RGS3: variants seen among roughly 807,000 people sequenced by gnomAD.
The protein encoded by RGS3 is regulator of G-protein signalling 3.
In RGS3, 80 loss-of-function variants were observed where a neutral mutation model predicts 132.6. That is an observed-to-expected ratio of 0.60 (90% CI 0.50 to 0.73). The LOEUF (loss-of-function observed/expected upper bound fraction) is 0.73, where lower values mean the gene tolerates loss of function less well. RGS3 is among the 30% of genes least tolerant of loss of function. The pLI is 0.00. For missense variants in RGS3, 1,382 were observed against 1,530.8 expected, an observed-to-expected ratio of 0.90 and a Z score of 1.62; for synonymous variants, 598 against 620.6, an observed-to-expected ratio of 0.96 and a Z score of 0.54.
chr9:113,558,078 G>T (rs1833642770), intron 19 of RGS3, among the ~76,000 whole-genome samples: 1 of 152,228 alleles, frequency 6.6e-6, no homozygotes, highest in African/African-American at 2.4e-5. Context: ...AGAGCCGATG[G>T]TTGCTTGGAC....
At chr9:113,475,118 C>A (rs982148192) in intron 3 of RGS3, among the ~76,000 whole-genome samples, 1 of 152,188 alleles carries the variant, frequency 6.6e-6, no homozygotes, top group Non-Finnish European at 1.5e-5. Flanking sequence ...CATTCCCATC[C>A]AGTATTTTTC....
At position 113,463,960 on chromosome 9, in the gene RGS3, CAG is replaced by C. The variant is rs1326005121; in HGVS notation, c.415+1760_415+1761del. 8 of 1,479,096 alleles carry C rather than the reference CAG, an allele frequency of 5.4e-6. No homozygotes were observed. Among genetic ancestry groups the C allele is most frequent in the East Asian group, 4.7e-5 (2 of 42,990 alleles). 91.6% of individuals were successfully genotyped at this position (1,479,096 alleles called of 1,614,324 possible). On this transcript the variant is annotated intron_variant, in intron 3 of 24. Transcript: ENST00000350696. This position sits in a 1 kb window ranked among gnomAD's most constrained non-coding sequence, Gnocchi z 4.6. ...CCAGAAACGCAGCCCCTCGTGGTGA[CAG>C]GGGAGGCTGGGAGCAGGTGCTCTTT...
chr9:113,581,782 G>A (rs1394788971), intron 19 of RGS3: 1 of 152,422 alleles, frequency 6.6e-6, no homozygotes, highest in African/African-American at 2.4e-5. Flanking sequence ...AGAGTCTGAG[G>A]CTATGAGGTC....
chr9:113,526,316 C>T (rs756576542), intron 17 of RGS3, among the ~76,000 whole-genome samples: 7 of 152,190 alleles, frequency 4.6e-5, no homozygotes, highest in African/African-American at 1.7e-4. Context: ...ATTTTCTGAG[C>T]ATGTCCTCAG....
At chr9:113,555,037 C>T (rs1409296422) in intron 19 of RGS3, among the ~76,000 whole-genome samples, 1 of 152,080 alleles carries the variant, frequency 6.6e-6, no homozygotes, top group East Asian at 1.9e-4. Context: ...ATGGTTTGAC[C>T]AGTTTTTCCA....
rs1831195100 is a variant in RGS3, at chr9:113,507,609, A to T, written c.1408A>T (p.Ile470Phe). 1 of 1,489,610 alleles carries T rather than the reference A, an allele frequency of 6.7e-7. No homozygotes were observed. Among genetic ancestry groups the T allele is most frequent in the Non-Finnish European group, 9.0e-7 (1 of 1,115,892 alleles). 92.3% of individuals were successfully genotyped at this position (1,489,610 alleles called of 1,614,324 possible). Residue 470 changes from isoleucine to phenylalanine, a missense_variant, in exon 13 of 25, where the codon ATC becomes TTC. By Grantham distance (21) the Ile-to-Phe change is conservative (BLOSUM62 0). Coordinates refer to ENST00000350696, the Ensembl canonical transcript of RGS3. This position sits in a 1 kb window ranked among gnomAD's most constrained non-coding sequence, Gnocchi z 5.0. ...TGCCCCCACCGACCCCAACTACATC[A>T]TCCTGGCCCCGCTGAATCCTGGGAG...
chr9:113,447,170 A>G, intron 1 of RGS3, among the ~76,000 whole-genome samples: 1 of 149,646 alleles, frequency 6.7e-6, no homozygotes, highest in Non-Finnish European at 1.5e-5. Flanking sequence ...GCTGAGGCAG[A>G]AGAATTGATT....
At chr9:113,530,950 A>G (rs968247754) in intron 18 of RGS3, among the ~76,000 whole-genome samples, 1 of 152,248 alleles carries the variant, frequency 6.6e-6, no homozygotes, top group African/African-American at 2.4e-5. Flanking sequence ...TGAAACTCAC[A>G]TCTTAGTTGG....
At chr9:113,502,839 C>G (rs1232215643) in intron 10 of RGS3, among the ~76,000 whole-genome samples, 1 of 152,190 alleles carries the variant, frequency 6.6e-6, no homozygotes, top group Admixed American at 6.5e-5. Flanking sequence ...TAGCTCTGTT[C>G]CTCTTTAGCT....
chr9:113,556,527 G>A (rs1182623487), intron 19 of RGS3, among the ~76,000 whole-genome samples: 2 of 152,256 alleles, frequency 1.3e-5, no homozygotes, highest in East Asian at 3.9e-4. Flanking sequence ...AAGAGAGATT[G>A]AGCAGATTAT....
chr9:113,553,516 A>G (rs1022641647), intron 19 of RGS3, among the ~76,000 whole-genome samples: 6 of 136,772 alleles, frequency 4.4e-5, no homozygotes, highest in African/African-American at 1.3e-4. Flanking sequence ...ATATATAAAT[A>G]TATTATAGAA....
chr9:113,555,923 G>A (rs924951343), intron 19 of RGS3, among the ~76,000 whole-genome samples: 5 of 152,096 alleles, frequency 3.3e-5, no homozygotes, highest in East Asian at 1.9e-4. Context: ...TTGACTTCTC[G>A]ATTTTAATTC....
intron 18 of RGS3, among the ~76,000 whole-genome samples, chr9:113,534,086 A>C (rs1317733265): frequency 6.6e-6 from 1 of 152,048 alleles, no homozygotes; most frequent in African/African-American, 2.4e-5. Context: ...AAGTGCCCCC[A>C]CTCTGAAGGG....
chr9:113,580,785 T>G (rs1458138087), intron 19 of RGS3: 2 of 985,726 alleles, frequency 2.0e-6, no homozygotes, highest in African/African-American at 3.5e-5. Context: ...GCAGGCTGAC[T>G]TGCATTTCTG....
intron 3 of RGS3, among the ~76,000 whole-genome samples, chr9:113,464,887 C>T (rs1829577363): frequency 6.6e-6 from 1 of 152,154 alleles, no homozygotes; most frequent in Non-Finnish European, 1.5e-5. Context: ...TACTCCTGCT[C>T]AACATATTTG....
exon 15 of RGS3, chr9:113,514,526 G>T: frequency 6.2e-7 from 1 of 1,614,232 alleles, no homozygotes. Flanking sequence ...GATGAAGACA[G>T]TGCAGACCAT....
chr9:113,459,197 G>T (rs1829418446), upstream of RGS3, among the ~76,000 whole-genome samples: 1 of 151,996 alleles, frequency 6.6e-6, no homozygotes, highest in African/African-American at 2.4e-5. Flanking sequence ...TTTTTCCTAT[G>T]TTCTGAAATA....
chr9:113,447,329 G>GTATATATGTATATGTATATGTATA (rs1305095004), intron 1 of RGS3, among the ~76,000 whole-genome samples: 1 of 27,532 alleles, frequency 3.6e-5, no homozygotes, highest in Non-Finnish European at 7.5e-5. Context: ...GTATGTATAT[G>GTATATATGTATATGTATATGTATA]TATATATATA....
intron 4 of RGS3, among the ~76,000 whole-genome samples, chr9:113,480,438 G>A (rs941101576): frequency 3.1e-5 from 4 of 130,006 alleles, no homozygotes; most frequent in Admixed American, 1.8e-4. Context: ...CAGCCCAGGC[G>A]ACAGTACGAG....
Sources: gnomAD v4.1 joint callset for allele counts (sites outside exome capture counted in the v4.1 genomes callset) on GRCh38, gnomAD v4.1.1 for gene constraint, Gnocchi (gnomAD v3.1) non-coding constraint, MANE v1.5 for transcripts, NCBI Gene and HGNC (gene_info 2026-07-23, HGNC 2026-07-21) for gene names.